GIGYF1: variants seen among roughly 807,000 people sequenced by gnomAD.
GIGYF1 encodes GRB10 interacting GYF protein 1.
GIGYF1 carries 84 observed loss-of-function variants against 147.1 expected under a neutral mutation model. That is an observed-to-expected ratio of 0.57 (90% CI 0.48 to 0.68). GIGYF1 has a LOEUF of 0.68. Ranked by LOEUF, GIGYF1 falls within the 30% of genes least tolerant of loss-of-function variation. The pLI is 0.00. For missense variants in GIGYF1, 1,485 were observed against 1,393.7 expected, an observed-to-expected ratio of 1.07 and a Z score of -1.04; for synonymous variants, 752 against 589.5, an observed-to-expected ratio of 1.28 and a Z score of -3.99.
Position 100,683,059 on chromosome 7 carries a change from G to A in GIGYF1, c.2365C>T (p.Pro789Ser). 1 of 1,576,200 alleles carries A rather than the reference G, an allele frequency of 6.3e-7. No homozygotes were observed. The change falls in exon 22 of 27, where the codon CCC becomes TCC. Residue 789 changes from proline to serine, a missense_variant. Coordinates refer to ENST00000678049, the MANE Select transcript of GIGYF1 (RefSeq NM_001375765.1). Reference sequence around the variant, plus strand: ...GCCCGAGCTGGCTCCCGAGGTGGGGGCTGTTTGTGCAGCTGCCGCTCGCCC... The same window carrying A: ...GCCCGAGCTGGCTCCCGAGGTGGGGACTGTTTGTGCAGCTGCCGCTCGCCC... ...LEGERQLHKQ[P>S]PPREPARAQA... is the part of the protein sequence containing the mutation.
chr7:100,686,995 C>T lies in GIGYF1; in HGVS notation c.523+11G>A, dbSNP rs764188697. On this transcript the variant is annotated intron_variant, in intron 9 of 26. Coordinates refer to ENST00000678049, the MANE Select transcript of GIGYF1 (RefSeq NM_001375765.1). ...CTGCCGCCCCGGCCGCCGCCCTCAG[C>T]AGCCTCGTACCTCCATCCCGCCTTG... The T allele has an allele frequency of 2.8e-5, 45 of 1,613,842 alleles. No individual in the cohort carries two copies. The highest frequency in any genetic ancestry group is 4.2e-6 in the Non-Finnish European group (5 of 1,179,992).
In GIGYF1 at chr7:100,683,458, C is replaced by T; in HGVS notation, c.2053-14G>A. On this transcript the variant is annotated splice_polypyrimidine_tract_variant and intron_variant, in intron 20 of 26. Coordinates refer to ENST00000678049, the MANE Select transcript of GIGYF1 (RefSeq NM_001375765.1). ...GCGCTCCTGGAACTGAGACCAGTGG[C>T]CCATCAGAGGGGAGAGCTGCAGGGG... 1.2e-6 allele frequency: 2 copies of T among 1,614,142 alleles called. No homozygotes were observed. Among genetic ancestry groups the T allele is most frequent in the East Asian group, 4.5e-5 (2 of 44,886 alleles).
rs377484473 is a variant in GIGYF1 at position 100,685,041 on chromosome 7, C to T, written c.1290+8G>A. 3 of 1,562,760 alleles carry T rather than the reference C, an allele frequency of 1.9e-6. No individual in the cohort carries two copies. The African/African-American group carries it at 4.1e-5, about 21-fold the overall frequency. ...AAGGGTCCCTCCCGCTTTCTCAGGC[C>T]CCCACACCTGCTGCAGGTGCTTCAA... On this transcript the variant is annotated splice_region_variant and intron_variant, in intron 14 of 26. Coordinates refer to ENST00000678049, the MANE Select transcript of GIGYF1 (RefSeq NM_001375765.1).
In GIGYF1 at chr7:100,686,447, G is replaced by C; in HGVS notation, c.695-14C>G. On this transcript the variant is annotated splice_polypyrimidine_tract_variant and intron_variant, in intron 10 of 26. Coordinates refer to ENST00000678049, the MANE Select transcript of GIGYF1 (RefSeq NM_001375765.1). Reference sequence around the variant, plus strand: ...GGGGACCACCATCTGCACAGGAAAAGTCAGGGAGAAGAAGAGTGGGTACCC... The same window carrying C: ...GGGGACCACCATCTGCACAGGAAAACTCAGGGAGAAGAAGAGTGGGTACCC... 6.4e-7 allele frequency: 1 copy of C among 1,571,512 alleles called. No individual in the cohort carries two copies. Among genetic ancestry groups the C allele is most frequent in the Middle Eastern group, 1.7e-4 (1 of 5,834 alleles).
At chr7:100,687,206 T>C in intron 8 of GIGYF1, 92 bp downstream of exon 8, 1 of 1,459,824 alleles carries the variant, frequency 6.9e-7, no homozygotes, top group Non-Finnish European at 9.6e-7. Context: ...ACAGGGCTTA[T>C]CTGGTGGGCC....
rs1203812209 is a variant in GIGYF1 at position 100,683,914 on chromosome 7, C to T, written c.1873G>A (p.Gly625Arg). The stretch of plus-strand genomic sequence containing the variant: ...ATCGTCGGGAGCAGGTTCTGGTCCC[C>T]GCCTCTGAGGAGCAAATTGTGGATT... ...QLQALKPPRG[G>R]DQNLLPTMSR... The change falls in exon 19 of 27, where the codon GGG becomes AGG. Residue 625 changes from glycine (G) to arginine (R), a missense_variant. Gly to Arg is a moderately radical substitution (Grantham distance 125, BLOSUM62 -2). Transcript: ENST00000678049. The T allele has an allele frequency of 1.3e-5, 21 of 1,555,616 alleles. No homozygotes were observed. The highest frequency in any genetic ancestry group is 4.8e-5 in the East Asian group (2 of 41,382).
intron 1 of GIGYF1, among the ~76,000 whole-genome samples, chr7:100,692,773 C>A (rs891766271): frequency 6.6e-6 from 1 of 152,194 alleles, no homozygotes; most frequent in Non-Finnish European, 1.5e-5. Flanking sequence ...GACACCAAGG[C>A]CAGGTCTACC....
intron 1 of GIGYF1, among the ~76,000 whole-genome samples, chr7:100,691,970 C>A (rs1805865708): frequency 6.6e-6 from 1 of 152,270 alleles, no homozygotes. Flanking sequence ...TCCCAGTGCA[C>A]ATTCAGCTAA....
In GIGYF1 at chr7:100,683,871, A is replaced by C. The variant is rs1286486736; in HGVS notation, c.1916T>G (p.Val639Gly). The change falls in exon 19 of 27, where the codon GTG becomes GGG. Residue 639 changes from valine (V) to glycine (G), a missense_variant. By Grantham distance (109) the Val-to-Gly change is moderately radical (BLOSUM62 -3). Transcript: ENST00000678049. ...LLPTMSRSLS[V>G]PDSGRLWDVH... ...GTCCCAGAGGCGGCCCGAATCTGGC[A>C]CCGACAAGGACCGGCTCATCGTCGG... 5 of 1,559,690 alleles carry C rather than the reference A, an allele frequency of 3.2e-6. No homozygotes were observed. In the East Asian group the frequency reaches 1.2e-4, roughly 37 times the overall value.
In GIGYF1 at chr7:100,681,698, GGGGCTGGGGGTCC is replaced by G; in HGVS notation, c.*8_*20del. On this transcript the variant is annotated 3_prime_UTR_variant, in exon 27 of 27. Coordinates refer to ENST00000678049, the MANE Select transcript of GIGYF1 (RefSeq NM_001375765.1). ...TGTGGCTGCCCTGGCCTACAGCCCAGGGGCTGGGGGTCCGGGCTGGTCAGTAGTCATCCACGCT... is the reference window on the plus strand; with the variant it reads ...TGTGGCTGCCCTGGCCTACAGCCCAGGGGCTGGTCAGTAGTCATCCACGCT... 1 of 1,534,060 alleles carries G rather than the reference GGGGCTGGGGGTCC, an allele frequency of 6.5e-7. No homozygotes were observed. The highest frequency in any genetic ancestry group is 2.3e-5 in the East Asian group (1 of 44,174).
Position 100,686,594 on chromosome 7 carries a change from A to G in GIGYF1, c.694+55T>C, listed in dbSNP as rs532188268. 8.8e-5 allele frequency: 137 copies of G among 1,556,778 alleles called. No homozygotes were observed. The East Asian group carries it at 3.0e-3, about 34-fold the overall frequency. On this transcript the variant is annotated intron_variant, in intron 10 of 26. Coordinates refer to ENST00000678049, the MANE Select transcript of GIGYF1 (RefSeq NM_001375765.1). ...CGTGGCTACAGGAGCCCACCCTCTC[A>G]TTACAGTTCCTGCTCCCCACTGCCC... is the stretch of plus-strand genomic sequence containing the variant.
In GIGYF1 at chr7:100,686,308, G is replaced by T. The variant is rs780005826; in HGVS notation, c.820C>A (p.His274Asn). Residue 274 changes from histidine (H) to asparagine (N), a missense_variant, in exon 11 of 27, where the codon CAC becomes AAC. Transcript: ENST00000678049. ...TCAGGCGCTCGGCACCGCCGCAGGT[G>T]AGAGCTGCCTCCCCCTCCCCGCCCC... is the stretch of plus-strand genomic sequence containing the variant. ...EEGRGGGGSS[H>N]LRRCRAPEGF... The T allele has an allele frequency of 1.9e-6, 3 of 1,613,978 alleles. No individual in the cohort carries two copies. Among genetic ancestry groups the T allele is most frequent in the Non-Finnish European group, 2.5e-6 (3 of 1,180,002 alleles).
intron 3 of GIGYF1, 37 bp from the exon 4 acceptor site, chr7:100,688,344 A>T: frequency 9.8e-7 from 1 of 1,018,698 alleles, no homozygotes; most frequent in Non-Finnish European, 1.5e-6. Flanking sequence ...ACAGCACACG[A>T]AGGAGAACTT....
chr7:100,682,805 TCAAA>T lies in GIGYF1; in HGVS notation c.2413-32_2413-29del, dbSNP rs776120954. Reference sequence around the variant, plus strand: ...ACAGATGGCAGAAGATCAGAGTGGCTCAAACAAAGGCACCCCAGAAAAGCGGATG... The same window carrying T: ...ACAGATGGCAGAAGATCAGAGTGGCTCAAAGGCACCCCAGAAAAGCGGATG... On this transcript the variant is annotated intron_variant, in intron 22 of 26. Transcript: ENST00000678049. 4.6e-4 allele frequency: 703 copies of T among 1,512,412 alleles called. 1 individual carries two copies. Among genetic ancestry groups the T allele is most frequent in the Admixed American group, 7.7e-4 (34 of 43,884 alleles). The allele number at this position is 1,512,412 out of a possible 1,614,324, so 93.7% of individuals were successfully genotyped here. A position where few individuals can be genotyped will look rare whatever the true frequency, so the allele number is the denominator to read the frequency against.
In GIGYF1 at chr7:100,685,357, G is replaced by A. The variant is rs912534804; in HGVS notation, c.1179C>T (p.Pro393=). ...CTCCCTTCCTACCTTCGGCCGCTGG[G>A]GGCTCTTTCTCTGCAGTTTCGTCCC... ...GDGDETAEKE[P]PAAEDDIRGI... is the part of the protein sequence containing the mutation. The change falls in exon 13 of 27, where the codon CCC becomes CCT. Residue 393 remains proline (P), a synonymous_variant. Coordinates refer to ENST00000678049, the MANE Select transcript of GIGYF1 (RefSeq NM_001375765.1). 4.4e-6 allele frequency: 7 copies of A among 1,597,646 alleles called. No individual in the cohort carries two copies. Among genetic ancestry groups the A allele is most frequent in the African/African-American group, 4.1e-5 (3 of 73,586 alleles).
rs1805776252 is a variant in GIGYF1, at chr7:100,690,873, CAA to C, written c.-1098-1320_-1098-1319del. Among the ~76,000 whole-genome samples, 3 of 151,922 alleles carry C rather than the reference CAA, an allele frequency of 2.0e-5. No homozygotes were observed. In the South Asian group the frequency reaches 6.2e-4, roughly 32 times the overall value. The stretch of plus-strand genomic sequence containing the variant: ...GCAGCTCTCCTAGGTGCCTCCGGCT[CAA>C]GTCACCCATCCTGGCTGTGTCTTGG... On this transcript the variant is annotated intron_variant, in intron 1 of 26. Transcript: ENST00000678049.
At chr7:100,693,924 C>T (rs1806034608) in intron 1 of GIGYF1, 186 bp downstream of exon 1, 2 of 150,830 alleles carry the variant, frequency 1.3e-5, no homozygotes, top group Admixed American at 6.6e-5. Flanking sequence ...GGCGGGAGAG[C>T]GGGAGGACGC....
intron 1 of GIGYF1, among the ~76,000 whole-genome samples, chr7:100,691,359 T>C (rs1232113129): frequency 2.0e-5 from 3 of 152,230 alleles, no homozygotes; most frequent in Non-Finnish European, 4.4e-5. Context: ...GGGGGTCTAC[T>C]GGGCCAAGGG....
rs746505778 is a variant in GIGYF1, at chr7:100,684,054, A to G, written c.1834T>C (p.Phe612Leu). The G allele has an allele frequency of 3.1e-6, 5 of 1,606,306 alleles. No individual in the cohort carries two copies. The highest frequency in any genetic ancestry group is 4.2e-6 in the Non-Finnish European group (5 of 1,179,642). The change falls in exon 18 of 27, where the codon TTC becomes CTC. Residue 612 changes from phenylalanine to leucine, a missense_variant. Transcript: ENST00000678049. ...TTGAGCGCCTGGAGCTGCTGCAGGA[A>G]TGCCGTGAGCTGCTGCTGCTGCTGC... ...PQQQQQQLTAFLQQLQALKPP... is the reference protein window; with the variant it reads ...PQQQQQQLTALLQQLQALKPP...
Sources: gnomAD v4.1 joint callset for allele counts (sites outside exome capture counted in the v4.1 genomes callset) on GRCh38, gnomAD v4.1.1 for gene constraint, MANE v1.5 for transcripts, NCBI Gene and HGNC (gene_info 2026-07-23, HGNC 2026-07-21) for gene names.